The following ZMPSTE24 variants were observed in gnomAD, a reference collection of about 807,000 sequenced individuals.
The protein encoded by ZMPSTE24 is CAAX prenyl protease 1 homolog.
Under a neutral mutation model 56.7 loss-of-function variants are expected in ZMPSTE24, and 48 were observed. The ratio of observed to expected loss-of-function variants is 0.85; its 90% CI spans 0.67 to 1.08. ZMPSTE24 has a LOEUF of 1.08. Among genes scored for constraint, ZMPSTE24 ranks in the 50% least tolerant of loss-of-function variants. ZMPSTE24 has a pLI of 0.00. For missense variants in ZMPSTE24, 503 were observed against 548.7 expected (o/e 0.92, Z 0.83); for synonymous variants, 172 against 195.2 (o/e 0.88, Z 0.99).
At chr1:40,265,939 AGT>A (rs1643544472) in intron 2 of ZMPSTE24, among the ~76,000 whole-genome samples, 1 of 152,212 alleles carries the variant, frequency 6.6e-6, no homozygotes, top group Middle Eastern at 3.2e-3. Flanking sequence ...GATAGTTTAA[AGT>A]GTGGGTGAGA....
At chr1:40,284,926 C>CT (rs1643770309) in intron 7 of ZMPSTE24, among the ~76,000 whole-genome samples, 3 of 109,874 alleles carry the variant, frequency 2.7e-5, no homozygotes, top group African/African-American at 4.5e-5. Context: ...AAACATCATC[C>CT]CTTTTTTTTT....
intron 2 of ZMPSTE24, among the ~76,000 whole-genome samples, chr1:40,267,332 G>GTTATT (rs71060361): frequency 0.15 from 21,281 of 137,298 alleles, 2,163 homozygotes; most frequent in African/African-American, 0.27. Context: ...ATTTTATTTT[G>GTTATT]TTATTTTATT....
intron 1 of ZMPSTE24, among the ~76,000 whole-genome samples, 154 bp from the exon 2 acceptor site, chr1:40,260,685 G>A (rs1447271083): frequency 6.6e-6 from 1 of 152,092 alleles, no homozygotes; most frequent in East Asian, 1.9e-4. Flanking sequence ...TGCATCAGTC[G>A]TTTCATGTAC....
chr1:40,281,300 AC>A (rs1175912924), intron 6 of ZMPSTE24, 42 bp from the exon 7 acceptor site: 1 of 1,606,524 alleles, frequency 6.2e-7, no homozygotes, highest in Admixed American at 1.7e-5. Flanking sequence ...AGGACCCCAA[AC>A]TTTTTAATTA....
chr1:40,281,483 A>C lies in ZMPSTE24; in HGVS notation c.910A>C (p.Asn304His), dbSNP rs201393732. 2.4e-5 allele frequency: 38 copies of C among 1,614,014 alleles called. No individual in the cohort carries two copies. Among genetic ancestry groups the C allele is most frequent in the Non-Finnish European group, 3.1e-5 (36 of 1,179,996 alleles). Residue 304 changes from asparagine (N) to histidine (H), a missense_variant, in exon 7 of 10, where the codon AAT becomes CAT. Transcript: ENST00000372759. ...IQEDSGMEPR[N>H]EEEGNSEEIK... ...GGAGGATTCTGGCATGGAACCCCGC[A>C]ATGAGGAAGAAGGGAACAGTGAAGA...
chr1:40,282,874 T>C (rs184850101), intron 7 of ZMPSTE24, among the ~76,000 whole-genome samples: 17 of 152,270 alleles, frequency 1.1e-4, no homozygotes, highest in African/African-American at 4.1e-4. Flanking sequence ...CCCCTAAAGG[T>C]AGCGGTGGGG....
rs1643853189 is a variant in ZMPSTE24 at position 40,292,494 on chromosome 1, C to G, written c.1253C>G (p.Ala418Gly). The stretch of plus-strand genomic sequence containing the variant: ...CTAAGCCGCAGATTTGAGTTTCAAG[C>G]TGATGCATTTGCCAAGAAACTTGGG... The part of the protein sequence containing the change: ...TVLSRRFEFQ[A>G]DAFAKKLGKA... The change falls in exon 10 of 10, where the codon GCT becomes GGT. Residue 418 changes from alanine to glycine, a missense_variant. By Grantham distance (60) the Ala-to-Gly change is moderately conservative. Transcript: ENST00000372759. 1 of 1,614,138 alleles carries G rather than the reference C, an allele frequency of 6.2e-7. No homozygotes were observed.
intron 7 of ZMPSTE24, among the ~76,000 whole-genome samples, chr1:40,285,340 C>T (rs943115901): frequency 6.6e-6 from 1 of 151,998 alleles, no homozygotes; most frequent in Non-Finnish European, 1.5e-5. Flanking sequence ...CTCCTGACCT[C>T]GTGATCCACC....
At chr1:40,276,392 A>G (rs552291730) in intron 6 of ZMPSTE24, among the ~76,000 whole-genome samples, 1 of 152,316 alleles carries the variant, frequency 6.6e-6, no homozygotes, top group East Asian at 1.9e-4. Context: ...GAAGGAGGCT[A>G]AGGAGGAGAG....
At position 40,273,519 on chromosome 1, in the gene ZMPSTE24, A is replaced by C. The variant is rs1254168844; in HGVS notation, c.769+1484A>C. On this transcript the variant is annotated intron_variant, in intron 6 of 9. Transcript: ENST00000372759. ...GCAACAAGAGCCAAATTCTGTCTAAAAAAAAAAAAAAAAAAAAAATATATA... is the reference window on the plus strand; with the variant it reads ...GCAACAAGAGCCAAATTCTGTCTAACAAAAAAAAAAAAAAAAAAATATATA... Among the ~76,000 whole-genome samples the C allele has an allele frequency of 8.8e-4, 47 of 53,266 alleles. 1 individual carries two copies. Among genetic ancestry groups the C allele is most frequent in the East Asian group, 1.4e-3 (2 of 1,382 alleles). 34.9% of individuals were successfully genotyped at this position (53,266 alleles called of 152,430 possible). A position where few individuals can be genotyped will look rare whatever the true frequency, so the allele number is the denominator to read the frequency against.
intron 6 of ZMPSTE24, among the ~76,000 whole-genome samples, chr1:40,279,180 T>C (rs887530397): frequency 9.2e-5 from 14 of 152,146 alleles, no homozygotes; most frequent in African/African-American, 3.4e-4. Flanking sequence ...TTTATAAAAA[T>C]TGCTTTAATT....
intron 6 of ZMPSTE24, among the ~76,000 whole-genome samples, chr1:40,280,097 A>C (rs1643712511): frequency 6.6e-6 from 1 of 152,150 alleles, no homozygotes. Context: ...GCACCCACTT[A>C]TCAGGCTTTT....
At chr1:40,271,748 T>C in intron 5 of ZMPSTE24, 146 bp from the exon 6 acceptor site, 1 of 757,728 alleles carries the variant, frequency 1.3e-6, no homozygotes, top group Non-Finnish European at 2.1e-6. Context: ...TGGTACTATT[T>C]GGGCCTGGGA....
Position 40,292,445 on chromosome 1 carries a change from G to A in ZMPSTE24, c.1204G>A (p.Val402Ile). The A allele has an allele frequency of 6.2e-7, 1 of 1,613,436 alleles. No homozygotes were observed. The highest frequency in any genetic ancestry group is 8.5e-7 in the Non-Finnish European group (1 of 1,179,924). ...FQFIFSPYNE[V>I]LSFCLTVLSR... ...AAAACCCTTTCATTTTCTTTTTCAG[G>A]TTCTTTCTTTTTGCCTAACAGTCCT... The change falls in exon 10 of 10, where the codon GTT becomes ATT. Residue 402 changes from valine (V) to isoleucine (I), a missense_variant and splice_region_variant. By Grantham distance (29) the Val-to-Ile change is conservative. Coordinates refer to ENST00000372759, the MANE Select transcript of ZMPSTE24 (RefSeq NM_005857.5).
chr1:40,284,765 A>T (rs1285829479), intron 7 of ZMPSTE24, among the ~76,000 whole-genome samples: 3 of 152,140 alleles, frequency 2.0e-5, no homozygotes, highest in Middle Eastern at 3.2e-3. Flanking sequence ...ATAAATAATA[A>T]TAACTACTGT....
chr1:40,294,173 C>T lies in ZMPSTE24; in HGVS notation c.*1504C>T, dbSNP rs1382251506. 1 of 152,608 alleles carries T rather than the reference C, an allele frequency of 6.6e-6. No individual in the cohort carries two copies. The allele number at this position is 152,608 out of a possible 1,614,324, so 9.5% of individuals were successfully genotyped here. A position where few individuals can be genotyped will look rare whatever the true frequency, so the allele number is the denominator to read the frequency against. On this transcript the variant is annotated 3_prime_UTR_variant, in exon 10 of 10. Transcript: ENST00000372759. ...AGTGAAACATTAAACATTGCCAACG[C>T]AAATGTATGTACTTTGTCTTTAGTT...
chr1:40,274,688 TAGAC>T (rs770556388), intron 6 of ZMPSTE24, among the ~76,000 whole-genome samples: 14 of 152,216 alleles, frequency 9.2e-5, no homozygotes, highest in Non-Finnish European at 1.9e-4. Context: ...ATTGAAGGCT[TAGAC>T]AGGAAAGTGA....
intron 6 of ZMPSTE24, 73 bp from the exon 7 acceptor site, chr1:40,281,270 A>G (rs1318281346): frequency 3.6e-6 from 5 of 1,404,934 alleles, no homozygotes; most frequent in East Asian, 2.3e-5. Flanking sequence ...CAGTAATTCA[A>G]TTTCTAGGAG....
intron 7 of ZMPSTE24, among the ~76,000 whole-genome samples, chr1:40,283,417 G>A (rs1454140478): frequency 6.6e-6 from 1 of 151,904 alleles, no homozygotes; most frequent in Non-Finnish European, 1.5e-5. Context: ...AGGCACAAGA[G>A]TTGCTTGAAC....
Sources: allele counts gnomAD v4.1 joint callset (sites outside exome capture counted in the v4.1 genomes callset), GRCh38; gene constraint gnomAD v4.1.1; transcripts MANE v1.5; gene names NCBI Gene and HGNC (gene_info 2026-07-23, HGNC 2026-07-21).